RGS7: variants seen among roughly 807,000 people sequenced by gnomAD.
The protein encoded by RGS7 is regulator of G-protein signaling 7.
RGS7 carries 27 observed loss-of-function variants against 81.1 expected under a neutral mutation model. The observed-to-expected ratio is 0.33, with a 90% CI of 0.25 to 0.46. The LOEUF is 0.46. Among genes scored for constraint, RGS7 ranks in the 20% least tolerant of loss-of-function variants. RGS7 has a pLI of 1.00. For missense variants in RGS7, 396 were observed against 607.4 expected, an observed-to-expected ratio of 0.65 and a Z score of 3.66; for synonymous variants, 208 against 207.7, an observed-to-expected ratio of 1.00 and a Z score of -0.01.
intron 3 of RGS7, among the ~76,000 whole-genome samples, chr1:241,066,335 G>C (rs1276477242): frequency 1.3e-5 from 2 of 152,160 alleles, no homozygotes; most frequent in Non-Finnish European, 1.5e-5. Context: ...TGCTCAAAGG[G>C]ATCATGCTGA....
chr1:241,249,139 T>C (rs902727500), intron 2 of RGS7, among the ~76,000 whole-genome samples: 2 of 151,976 alleles, frequency 1.3e-5, no homozygotes, highest in South Asian at 2.1e-4. Flanking sequence ...AACTTATTGA[T>C]TTTTTTTGGT....
chr1:240,854,628 A>G (rs1029725026), intron 9 of RGS7, among the ~76,000 whole-genome samples: 5 of 152,210 alleles, frequency 3.3e-5, no homozygotes, highest in African/African-American at 9.6e-5. Context: ...AGAAGGATGA[A>G]AACAGTTTTC....
chr1:240,911,428 C>G (rs1671729871), intron 6 of RGS7, among the ~76,000 whole-genome samples: 1 of 152,158 alleles, frequency 6.6e-6, no homozygotes, highest in Non-Finnish European at 1.5e-5. Flanking sequence ...TGTTAATGTT[C>G]TCTAGGTTCC....
chr1:241,214,474 C>T (rs1415466030), intron 2 of RGS7, among the ~76,000 whole-genome samples: 2 of 151,650 alleles, frequency 1.3e-5, no homozygotes, highest in Admixed American at 1.3e-4. Context: ...CTTTGGACTT[C>T]AGCAGATCTG....
chr1:241,190,067 C>A (rs954558797), intron 2 of RGS7, among the ~76,000 whole-genome samples: 1 of 151,954 alleles, frequency 6.6e-6, no homozygotes, highest in Non-Finnish European at 1.5e-5. Context: ...GGCGCCACTG[C>A]ACTCCAGCCT....
At chr1:241,217,638 C>T (rs754836414) in intron 2 of RGS7, among the ~76,000 whole-genome samples, 34 of 152,150 alleles carry the variant, frequency 2.2e-4, no homozygotes, top group East Asian at 1.9e-4. Flanking sequence ...TTTCCTTTTA[C>T]CTTTTCAAGT....
At chr1:241,292,623 G>A (rs1349011891) in intron 2 of RGS7, among the ~76,000 whole-genome samples, 2 of 152,190 alleles carry the variant, frequency 1.3e-5, no homozygotes, top group African/African-American at 4.8e-5. Context: ...AGCTTAGGCT[G>A]TTCACAGCAC....
intron 9 of RGS7, among the ~76,000 whole-genome samples, chr1:240,842,973 G>C (rs1394967662): frequency 4.6e-5 from 7 of 151,896 alleles, no homozygotes; most frequent in Admixed American, 6.6e-5. Context: ...GACCAGCCTG[G>C]CCAATATGGT....
chr1:241,296,589 C>G (rs74150254), intron 2 of RGS7, among the ~76,000 whole-genome samples: 3,816 of 152,334 alleles, frequency 0.025, 163 homozygotes, highest in African/African-American at 0.088. Flanking sequence ...CCTTTGTCCA[C>G]ATGGACGGAA....
chr1:241,103,048 G>A (rs753473847), intron 2 of RGS7, among the ~76,000 whole-genome samples: 11 of 149,512 alleles, frequency 7.4e-5, no homozygotes, highest in Non-Finnish European at 1.2e-4. Flanking sequence ...TAGACAGTAA[G>A]AGGTATGAGG....
rs540155926 is a variant in RGS7 at position 241,028,410 on chromosome 1, C to T, written c.176-45281G>A. Among the ~76,000 whole-genome samples, 16 of 152,252 alleles carry T rather than the reference C, an allele frequency of 1.1e-4. 1 individual carries two copies. In the South Asian group the frequency reaches 2.9e-3, roughly 28 times the overall value. The stretch of plus-strand genomic sequence containing the variant: ...AATTATAGCTTGTGCCTATCCAAAG[C>T]TTTACTGTTGCAATGGTATTATGCA... On this transcript the variant is annotated intron_variant, in intron 3 of 18. Coordinates refer to ENST00000440928, the MANE Select transcript of RGS7 (RefSeq NM_001364886.1).
chr1:241,340,324 C>T (rs1168581848), intron 2 of RGS7, among the ~76,000 whole-genome samples: 1 of 152,096 alleles, frequency 6.6e-6, no homozygotes, highest in East Asian at 1.9e-4. Context: ...TCTCTTCTTA[C>T]CCTCAGAATA....
chr1:240,830,553 A>T (rs1693662506), intron 9 of RGS7, among the ~76,000 whole-genome samples: 1 of 152,232 alleles, frequency 6.6e-6, no homozygotes, highest in Admixed American at 6.5e-5. Flanking sequence ...AAAACTGAAA[A>T]TGTAATCATT....
chr1:241,325,745 C>T (rs986796454), intron 2 of RGS7, among the ~76,000 whole-genome samples: 18 of 152,102 alleles, frequency 1.2e-4, no homozygotes, highest in African/African-American at 4.3e-4. Flanking sequence ...ACATTCTGAT[C>T]ACAAACTATT....
intron 2 of RGS7, among the ~76,000 whole-genome samples, chr1:241,109,691 C>T (rs903417972): frequency 6.6e-6 from 1 of 152,102 alleles, no homozygotes; most frequent in Non-Finnish European, 1.5e-5. Context: ...GGCGCAGTGG[C>T]TCACACCTGT....
chr1:241,040,751 A>T (rs969386498), intron 3 of RGS7, among the ~76,000 whole-genome samples: 6 of 152,140 alleles, frequency 3.9e-5, no homozygotes, highest in Non-Finnish European at 4.4e-5. Flanking sequence ...CGGCCTCCCA[A>T]GGTGCTGGGA....
intron 3 of RGS7, among the ~76,000 whole-genome samples, chr1:240,988,540 C>T (rs2148580233): frequency 6.6e-6 from 1 of 152,208 alleles, no homozygotes; most frequent in East Asian, 1.9e-4. Context: ...CTAAATTTCT[C>T]CACAATCTTT....
At chr1:241,017,299 G>A (rs1214375392) in intron 3 of RGS7, among the ~76,000 whole-genome samples, 1 of 151,950 alleles carries the variant, frequency 6.6e-6, no homozygotes, top group Non-Finnish European at 1.5e-5. Context: ...AAATTAGCTG[G>A]GCGTGGTGGC....
At chr1:240,942,497 A>G (rs750668005) in intron 4 of RGS7, among the ~76,000 whole-genome samples, 1 of 152,208 alleles carries the variant, frequency 6.6e-6, no homozygotes, top group Non-Finnish European at 1.5e-5. Context: ...TGAATCCTGT[A>G]TTTTTATCAC....
Sources: gnomAD v4.1 joint callset for allele counts (sites outside exome capture counted in the v4.1 genomes callset) on GRCh38, gnomAD v4.1.1 for gene constraint, MANE v1.5 for transcripts, NCBI Gene and HGNC (gene_info 2026-07-23, HGNC 2026-07-21) for gene names.